Variants in MRPL35 observed in about 807,000 individuals in gnomAD.
The protein encoded by MRPL35 is large ribosomal subunit protein bL35m.
A neutral mutation model predicts 21.6 loss-of-function variants in MRPL35; 18 were observed. That is an observed-to-expected ratio of 0.83 (90% CI 0.58 to 1.24). The LOEUF (loss-of-function observed/expected upper bound fraction) is 1.24, where lower values mean the gene tolerates loss of function less well. Among genes scored for constraint, MRPL35 ranks in the 50% most tolerant of loss-of-function variants. The probability of loss-of-function intolerance (pLI) is 0.00; values close to 1 mark genes in which losing one functional copy is unlikely to be tolerated. For synonymous variants in MRPL35, 87 were observed against 86.9 expected (o/e 1.00, Z -0.01); for missense variants, 223 against 223.2 (o/e 1.00, Z 0.01).
chr2:86,213,752 A>T lies in MRPL35; in HGVS notation c.*3084A>T. ...TTTCACAGCTACCTAGTTTCTGCCG[A>T]TGATTTTTTTAAATGTGAAATAAAC... On this transcript the variant is annotated 3_prime_UTR_variant, in exon 4 of 4. Coordinates refer to ENST00000337109, the MANE Select transcript of MRPL35 (RefSeq NM_016622.4). 2 of 1,417,736 alleles carry T rather than the reference A, an allele frequency of 1.4e-6. No homozygotes were observed. Among genetic ancestry groups the T allele is most frequent in the African/African-American group, 1.4e-5 (1 of 69,648 alleles). The allele number at this position is 1,417,736 out of a possible 1,614,324, so 87.8% of individuals were successfully genotyped here. A position where few individuals can be genotyped will look rare whatever the true frequency, so the allele number is the denominator to read the frequency against.
Position 86,210,928 on chromosome 2 carries a change from T to C in MRPL35, c.*260T>C, listed in dbSNP as rs1370219981. 9.1e-7 allele frequency: 1 copy of C among 1,095,550 alleles called. No individual in the cohort carries two copies. Among genetic ancestry groups the C allele is most frequent in the Non-Finnish European group, 1.1e-6 (1 of 901,038 alleles). 67.9% of individuals were successfully genotyped at this position (1,095,550 alleles called of 1,614,324 possible). ...AACTAGTTGTTTCAGTTATGCTCTT[T>C]TAGTTGCAAGGAATCTCAAGTGGGA... On this transcript the variant is annotated 3_prime_UTR_variant, in exon 4 of 4. Coordinates refer to ENST00000337109, the MANE Select transcript of MRPL35 (RefSeq NM_016622.4).
chr2:86,204,147 G>A (rs1025407624), intron 1 of MRPL35, among the ~76,000 whole-genome samples: 3 of 151,950 alleles, frequency 2.0e-5, no homozygotes, highest in African/African-American at 7.3e-5. Flanking sequence ...ACCACACCCG[G>A]CTAATTTTGT....
In MRPL35 at chr2:86,212,507, G is replaced by A. The variant is rs1289320129; in HGVS notation, c.*1839G>A. 31 of 1,607,230 alleles carry A rather than the reference G, an allele frequency of 1.9e-5. No individual in the cohort carries two copies. The highest frequency in any genetic ancestry group is 2.4e-5 in the Non-Finnish European group (28 of 1,177,358). The stretch of plus-strand genomic sequence containing the variant: ...GCTCTCTGATGTACCTCTGGGTAGT[G>A]AGATGGAAATGGTGCCTGCAGAAGT... On this transcript the variant is annotated 3_prime_UTR_variant, in exon 4 of 4. Transcript: ENST00000337109.
rs1456997377 is a variant in MRPL35, at chr2:86,213,326, G to C, written c.*2658G>C. ...TCCTAGTTCTGTTGACATTGGACCA[G>C]GCTCAGTAAATAAACGAATGGATTT... is the stretch of plus-strand genomic sequence containing the variant. On this transcript the variant is annotated 3_prime_UTR_variant, in exon 4 of 4. Coordinates refer to ENST00000337109, the MANE Select transcript of MRPL35 (RefSeq NM_016622.4). 7 of 1,209,202 alleles carry C rather than the reference G, an allele frequency of 5.8e-6. No individual in the cohort carries two copies. Among genetic ancestry groups the C allele is most frequent in the African/African-American group, 1.6e-5 (1 of 63,698 alleles). The allele number at this position is 1,209,202 out of a possible 1,614,324, so 74.9% of individuals were successfully genotyped here. A position where few individuals can be genotyped will look rare whatever the true frequency, so the allele number is the denominator to read the frequency against.
In MRPL35 at chr2:86,212,810, A is replaced by G. The variant is rs1673934436; in HGVS notation, c.*2142A>G. The G allele has an allele frequency of 9.7e-7, 1 of 1,029,708 alleles. No individual in the cohort carries two copies. Among genetic ancestry groups the G allele is most frequent in the African/African-American group, 1.7e-5 (1 of 59,080 alleles). 63.8% of individuals were successfully genotyped at this position (1,029,708 alleles called of 1,614,324 possible). A position where few individuals can be genotyped will look rare whatever the true frequency, so the allele number is the denominator to read the frequency against. On this transcript the variant is annotated 3_prime_UTR_variant, in exon 4 of 4. Coordinates refer to ENST00000337109, the MANE Select transcript of MRPL35 (RefSeq NM_016622.4). ...TCATCAACACTGATTTTATAATCTGACAATAAATGTCTTTCATTAAAGAGT... is the reference window on the plus strand; with the variant it reads ...TCATCAACACTGATTTTATAATCTGGCAATAAATGTCTTTCATTAAAGAGT...
intron 3 of MRPL35, among the ~76,000 whole-genome samples, 167 bp from the exon 4 acceptor site, chr2:86,210,313 A>ACCCTCCCTTC (rs1673877265): frequency 1.3e-5 from 1 of 79,454 alleles, no homozygotes; most frequent in Admixed American, 1.4e-4. Context: ...CCTCCCCGCC[A>ACCCTCCCTTC]CCCTCCCTTC....
Position 86,199,505 on chromosome 2 carries a change from CT to C in MRPL35, c.18del (p.Phe6LeufsTer5), listed in dbSNP as rs760600099. MAASA[F>X]AGAVRAASGI... Reference sequence around the variant, plus strand: ...CGAAGGTGAAGATGGCTGCCTCTGCCTTTGCTGGTGCAGTGAGAGCAGCTTC... The same window carrying C: ...CGAAGGTGAAGATGGCTGCCTCTGCCTTGCTGGTGCAGTGAGAGCAGCTTC... On this transcript the variant is annotated frameshift_variant, in exon 1 of 4. Transcript: ENST00000337109. LOFTEE classifies it high-confidence loss of function. 2 of 1,614,224 alleles carry C rather than the reference CT, an allele frequency of 1.2e-6. No homozygotes were observed. The highest frequency in any genetic ancestry group is 2.2e-5 in the South Asian group (2 of 91,086).
At chr2:86,205,695 G>A (rs986917446) in intron 1 of MRPL35, among the ~76,000 whole-genome samples, 1 of 152,142 alleles carries the variant, frequency 6.6e-6, no homozygotes, top group African/African-American at 2.4e-5. Context: ...GAATCTTTCT[G>A]TCGCCACTCT....
At chr2:86,203,798 T>A (rs552705498) in intron 1 of MRPL35, among the ~76,000 whole-genome samples, 42 of 152,286 alleles carry the variant, frequency 2.8e-4, no homozygotes, top group African/African-American at 8.7e-4. Flanking sequence ...ACAGAGAGGT[T>A]AAGTAACTTG....
At chr2:86,206,674 C>T (rs1027071317) in intron 2 of MRPL35, among the ~76,000 whole-genome samples, 5 of 152,086 alleles carry the variant, frequency 3.3e-5, no homozygotes, top group Non-Finnish European at 5.9e-5. Context: ...TGTATCTAGG[C>T]GCCTGCAGCA....
intron 1 of MRPL35, among the ~76,000 whole-genome samples, chr2:86,201,209 A>G (rs772486548): frequency 1.3e-5 from 2 of 152,212 alleles, no homozygotes; most frequent in Non-Finnish European, 2.9e-5. Flanking sequence ...TTGTCAATAG[A>G]TATTGTCAGA....
At chr2:86,200,668 A>G (rs1256975756) in intron 1 of MRPL35, among the ~76,000 whole-genome samples, 1 of 150,560 alleles carries the variant, frequency 6.6e-6, no homozygotes, top group Admixed American at 6.6e-5. Flanking sequence ...ATGCTTTCTC[A>G]TTGCTATATA....
At chr2:86,199,446 C>T (rs778915515), upstream of MRPL35, 1 of 1,612,732 alleles carries the variant, frequency 6.2e-7, no homozygotes, top group Non-Finnish European at 8.5e-7. Context: ...CTCTTTTGCT[C>T]TTGTGCTTTT....
intron 3 of MRPL35, 73 bp downstream of exon 3, chr2:86,207,400 C>T: frequency 6.6e-7 from 1 of 1,509,038 alleles, no homozygotes; most frequent in Non-Finnish European, 8.9e-7. Context: ...CCTATAATCC[C>T]AGCACTTTGG....
intron 3 of MRPL35, among the ~76,000 whole-genome samples, chr2:86,209,437 C>G (rs1473645969): frequency 5.3e-5 from 8 of 152,150 alleles, no homozygotes; most frequent in Non-Finnish European, 1.5e-5. Flanking sequence ...CACCTAAGAT[C>G]CCTTCTAGTT....
At position 86,210,795 on chromosome 2, in the gene MRPL35, A is replaced by G; in HGVS notation, c.*127A>G. The G allele has an allele frequency of 1.5e-6, 2 of 1,353,536 alleles. No homozygotes were observed. The highest frequency in any genetic ancestry group is 9.5e-7 in the Non-Finnish European group (1 of 1,047,264). The allele number at this position is 1,353,536 out of a possible 1,614,324, so 83.8% of individuals were successfully genotyped here. On this transcript the variant is annotated 3_prime_UTR_variant, in exon 4 of 4. Transcript: ENST00000337109. ...GAATACGTAAACATACAGTGACAAC[A>G]TTAAACTTAGAAAAGTTTTAAAACT...
upstream of MRPL35, chr2:86,199,446 CT>C (rs1558852497): frequency 6.2e-7 from 1 of 1,612,732 alleles, no homozygotes; most frequent in Non-Finnish European, 8.5e-7. Context: ...CTCTTTTGCT[CT>C]TGTGCTTTTA....
In MRPL35 at chr2:86,212,300, C is replaced by T. The variant is rs1306880507; in HGVS notation, c.*1632C>T. On this transcript the variant is annotated 3_prime_UTR_variant, in exon 4 of 4. Coordinates refer to ENST00000337109, the MANE Select transcript of MRPL35 (RefSeq NM_016622.4). Reference sequence around the variant, plus strand: ...AATAGAATGTTCTAAAACCAGAAGTCCAAGTGCGTGTCTACTTATGGGACC... The same window carrying T: ...AATAGAATGTTCTAAAACCAGAAGTTCAAGTGCGTGTCTACTTATGGGACC... 2.6e-6 allele frequency: 4 copies of T among 1,540,754 alleles called. No homozygotes were observed. Among genetic ancestry groups the T allele is most frequent in the Non-Finnish European group, 3.5e-6 (4 of 1,143,150 alleles).
Position 86,212,965 on chromosome 2 carries a change from A to T in MRPL35, c.*2297A>T, listed in dbSNP as rs1182707452. 1 of 689,930 alleles carries T rather than the reference A, an allele frequency of 1.4e-6. No homozygotes were observed. The highest frequency in any genetic ancestry group is 1.8e-6 in the Non-Finnish European group (1 of 560,406). 42.7% of individuals were successfully genotyped at this position (689,930 alleles called of 1,614,324 possible). A position where few individuals can be genotyped will look rare whatever the true frequency, so the allele number is the denominator to read the frequency against. On this transcript the variant is annotated 3_prime_UTR_variant, in exon 4 of 4. Transcript: ENST00000337109. ...CATATCTACAAAACTGGGTACATAC[A>T]TACTGTCTAACTGCTAATCCACATT... is the stretch of plus-strand genomic sequence containing the variant.
Sources: gnomAD v4.1 joint callset for allele counts (sites outside exome capture counted in the v4.1 genomes callset) on GRCh38, gnomAD v4.1.1 for gene constraint, MANE v1.5 for transcripts, NCBI Gene and HGNC (gene_info 2026-07-23, HGNC 2026-07-21) for gene names.